The following TENM1 variants were observed in gnomAD, a reference collection of about 807,000 sequenced individuals.
TENM1 encodes teneurin transmembrane protein 1.
Under a neutral mutation model 174.8 loss-of-function variants are expected in TENM1, and 35 were observed. The observed-to-expected ratio is 0.20, with a 90% CI of 0.15 to 0.27. TENM1 has a LOEUF of 0.27. TENM1 is among the 10% of genes least tolerant of loss of function. The probability of loss-of-function intolerance (pLI) is 1.00; values close to 1 mark genes in which losing one functional copy is unlikely to be tolerated. For missense variants in TENM1, 1,633 were observed against 2,130.1 expected (o/e 0.77, Z 4.59); for synonymous variants, 781 against 798.7 (o/e 0.98, Z 0.37).
At chrX:124,629,488 T>C (rs754075442) in intron 11 of TENM1, among the ~76,000 whole-genome samples, 4 of 112,643 alleles carry the variant, frequency 3.6e-5, no homozygotes, top group Non-Finnish European at 5.6e-5. Context: ...TGTCTTTACA[T>C]TGAGAATTGA....
the TENM1 span, among the ~76,000 whole-genome samples, chrX:125,121,752 A>C: frequency 1.8e-5 from 2 of 112,162 alleles, no homozygotes; most frequent in African/African-American, 6.5e-5. Flanking sequence ...AAAAGCAATA[A>C]GTTTTAATAA....
intron 15 of TENM1, among the ~76,000 whole-genome samples, chrX:124,534,406 T>C (rs2048167018): frequency 8.9e-6 from 1 of 112,140 alleles, no homozygotes; most frequent in East Asian, 2.8e-4. Flanking sequence ...GTCTTCGGTG[T>C]CAAATCTCCG....
At chrX:124,798,553 A>C (rs1045316896) in intron 3 of TENM1, among the ~76,000 whole-genome samples, 2 of 110,457 alleles carry the variant, frequency 1.8e-5, no homozygotes, top group Non-Finnish European at 3.8e-5. Flanking sequence ...TTTTCTTATA[A>C]ATTTCTTTAT....
intron 22 of TENM1, among the ~76,000 whole-genome samples, chrX:124,479,962 A>G (rs1429188810): frequency 8.9e-6 from 1 of 111,799 alleles, no homozygotes; most frequent in Non-Finnish European, 1.9e-5. Flanking sequence ...AAAATTTACC[A>G]TAATACTTGG....
At chrX:125,100,594 A>G in the TENM1 span, among the ~76,000 whole-genome samples, 1 of 112,230 alleles carries the variant, frequency 8.9e-6, no homozygotes, top group Non-Finnish European at 1.9e-5. Context: ...TATACCAAAA[A>G]TATATAATAC....
chrX:124,499,491 T>A (rs746020605), intron 19 of TENM1, among the ~76,000 whole-genome samples: 1 of 111,904 alleles, frequency 8.9e-6, no homozygotes, highest in Non-Finnish European at 1.9e-5. Context: ...CAGCTGTGAG[T>A]TTATGCCCTA....
intron 16 of TENM1, among the ~76,000 whole-genome samples, chrX:124,528,342 A>G (rs1196958812): frequency 8.9e-6 from 1 of 111,816 alleles, no homozygotes; most frequent in Non-Finnish European, 1.9e-5. Context: ...TTTAGGTATC[A>G]AGATTCTTTT....
chrX:125,190,057 G>A, the TENM1 span, among the ~76,000 whole-genome samples: 1 of 111,033 alleles, frequency 9.0e-6, no homozygotes, highest in African/African-American at 3.3e-5. Flanking sequence ...TTAATGGGAC[G>A]TTTACTCAAA....
intron 7 of TENM1, among the ~76,000 whole-genome samples, chrX:124,652,770 C>A (rs2051342599): frequency 9.4e-6 from 1 of 105,884 alleles, no homozygotes; most frequent in Non-Finnish European, 1.9e-5. Context: ...CCCCTCCTCT[C>A]CATTTTTTCT....
At chrX:124,416,342 C>G (rs938953392) in intron 25 of TENM1, among the ~76,000 whole-genome samples, 2 of 111,787 alleles carry the variant, frequency 1.8e-5, no homozygotes, top group African/African-American at 6.5e-5. Flanking sequence ...TAAATGGAAT[C>G]AGAAGGGTCC....
intron 3 of TENM1, among the ~76,000 whole-genome samples, chrX:124,783,562 TAATC>T (rs1313329341): frequency 9.0e-6 from 1 of 111,391 alleles, no homozygotes; most frequent in Non-Finnish European, 1.9e-5. Context: ...GCTTCTATCA[TAATC>T]TATCTTTCTG....
In TENM1 at chrX:124,755,044, G is replaced by T. The variant is rs1315798666; in HGVS notation, c.536-17847C>A. The stretch of plus-strand genomic sequence containing the variant: ...CTGAGTTCAATTCCTGGGTATCCTT[G>T]TTAACTTTCTGTCTCGTTGATCTGT... On this transcript the variant is annotated intron_variant, in intron 3 of 31. Coordinates refer to ENST00000422452, the Ensembl canonical transcript of TENM1. Among the ~76,000 whole-genome samples the T allele has an allele frequency of 4.0e-5, 4 of 101,089 alleles. No individual in the cohort carries two copies. The East Asian group carries it at 1.2e-3, about 30-fold the overall frequency. The allele number at this position is 101,089 out of a possible 115,157, so 87.8% of individuals were successfully genotyped here.
chrX:125,198,893 G>A, the TENM1 span, among the ~76,000 whole-genome samples: 1 of 110,360 alleles, frequency 9.1e-6, no homozygotes, highest in South Asian at 3.9e-4. Context: ...GGAAGGGGGA[G>A]TAGGGTGTAG....
At chrX:125,158,916 A>C in the TENM1 span, among the ~76,000 whole-genome samples, 1 of 109,292 alleles carries the variant, frequency 9.1e-6, no homozygotes, top group African/African-American at 3.4e-5. Flanking sequence ...GTGGTTGGCT[A>C]GGCAAATAGC....
At chrX:125,052,670 A>C in the TENM1 span, among the ~76,000 whole-genome samples, 1 of 111,962 alleles carries the variant, frequency 8.9e-6, no homozygotes, top group African/African-American at 3.2e-5. Flanking sequence ...ATTAAGATTG[A>C]TATTATAAAA....
the TENM1 span, among the ~76,000 whole-genome samples, chrX:125,193,975 G>A: frequency 9.1e-6 from 1 of 110,077 alleles, no homozygotes. Context: ...AAAGAGATGG[G>A]GTCTCACTAT....
chrX:124,603,372 A>C (rs1196944444), intron 11 of TENM1, among the ~76,000 whole-genome samples: 1 of 112,087 alleles, frequency 8.9e-6, no homozygotes, highest in Non-Finnish European at 1.9e-5. Flanking sequence ...CAATAGTAGC[A>C]GCCACTGCAA....
the TENM1 span, among the ~76,000 whole-genome samples, chrX:125,047,265 C>T: frequency 0.084 from 9,362 of 111,202 alleles, 362 homozygotes; most frequent in African/African-American, 0.14. Flanking sequence ...GTGTTTGAAG[C>T]TTATACAGTA....
intron 3 of TENM1, among the ~76,000 whole-genome samples, chrX:124,754,135 T>C (rs1369229927): frequency 9.0e-5 from 10 of 111,625 alleles, no homozygotes; most frequent in Non-Finnish European, 1.9e-4. Flanking sequence ...TTTTCGTTGG[T>C]AAGCTATTGA....
Sources: gnomAD v4.1 joint callset for allele counts (sites outside exome capture counted in the v4.1 genomes callset) on GRCh38, gnomAD v4.1.1 for gene constraint, MANE v1.5 for transcripts, NCBI Gene and HGNC (gene_info 2026-07-23, HGNC 2026-07-21) for gene names.